Variants in SOX5 observed in about 807,000 individuals in gnomAD.
The protein encoded by SOX5 is transcription factor SOX-5.
A neutral mutation model predicts 92.0 loss-of-function variants in SOX5; 9 were observed. The ratio of observed to expected loss-of-function variants is 0.10; its 90% confidence interval spans 0.06 to 0.17. The LOEUF is 0.17. Ranked by LOEUF, SOX5 falls within the 10% of genes least tolerant of loss-of-function variation. The pLI, the probability that SOX5 is intolerant of heterozygous loss-of-function variation, is 1.00. For missense variants in SOX5, 642 were observed against 944.5 expected (o/e 0.68, Z 4.20); for synonymous variants, 344 against 336.3 (o/e 1.02, Z -0.25).
chr12:24,006,271 AC>A (rs1453080043), intron 4 of SOX5, among the ~76,000 whole-genome samples: 3 of 152,216 alleles, frequency 2.0e-5, no homozygotes, highest in Non-Finnish European at 2.9e-5. Flanking sequence ...CTTTTAATGT[AC>A]TATCTCATTA....
intron 2 of SOX5, among the ~76,000 whole-genome samples, chr12:23,848,230 A>G (rs1012618903): frequency 3.3e-5 from 5 of 152,172 alleles, no homozygotes; most frequent in Non-Finnish European, 7.4e-5. Flanking sequence ...TAATTGCCAT[A>G]ATTGAAAATT....
chr12:24,464,559 T>C (rs1944014216), intron 1 of SOX5, among the ~76,000 whole-genome samples: 1 of 152,192 alleles, frequency 6.6e-6, no homozygotes, highest in Non-Finnish European at 1.5e-5. Context: ...GCCAGGATGT[T>C]CTCAATCTCC....
chr12:23,596,238 T>A (rs1466448539), intron 9 of SOX5, among the ~76,000 whole-genome samples: 1 of 152,226 alleles, frequency 6.6e-6, no homozygotes, highest in Non-Finnish European at 1.5e-5. Context: ...TCGTTCTCTT[T>A]CTGCTCTCCA....
At chr12:24,542,137 C>T (rs1365315028) in intron 1 of SOX5, among the ~76,000 whole-genome samples, 1 of 152,118 alleles carries the variant, frequency 6.6e-6, no homozygotes, top group Non-Finnish European at 1.5e-5. Flanking sequence ...GATATATGAC[C>T]CCTGCCTCCT....
intron 4 of SOX5, among the ~76,000 whole-genome samples, chr12:23,984,171 C>T (rs1227459461): frequency 3.9e-5 from 6 of 152,040 alleles, no homozygotes; most frequent in African/African-American, 1.4e-4. Context: ...TGCTAAGCAT[C>T]AGAGATATTA....
chr12:24,076,977 G>A (rs988201331), intron 4 of SOX5, among the ~76,000 whole-genome samples: 1 of 152,162 alleles, frequency 6.6e-6, no homozygotes, highest in Non-Finnish European at 1.5e-5. Flanking sequence ...CAGTTATATC[G>A]TTTCCTTCAA....
At chr12:24,496,132 G>A (rs1308560360) in intron 1 of SOX5, among the ~76,000 whole-genome samples, 1 of 152,160 alleles carries the variant, frequency 6.6e-6, no homozygotes, top group Non-Finnish European at 1.5e-5. Flanking sequence ...AAAAGTGGGG[G>A]TTGAAGGGGT....
In SOX5 at chr12:24,329,883, T is replaced by C. The variant is rs1408948579; in HGVS notation, c.-174+38680A>G. 2.0e-5 allele frequency among the ~76,000 whole-genome samples: 3 copies of C among 151,544 alleles called. No homozygotes were observed. The East Asian group carries it at 5.8e-4, about 29-fold the overall frequency. On this transcript the variant is annotated intron_variant, in intron 2 of 4. Transcript: ENST00000446891. ...ACTAAAAATACAAAAATTAGCCAGG[T>C]GTGGTAGAACATGCCTGTAATCCCA...
chr12:23,664,541 AT>A (rs1244914939), intron 7 of SOX5, among the ~76,000 whole-genome samples: 1 of 151,994 alleles, frequency 6.6e-6, no homozygotes, highest in African/African-American at 2.4e-5. Context: ...ATGTGTTATT[AT>A]TTTTATCTTA....
chr12:24,422,471 T>C (rs943307083), intron 1 of SOX5, among the ~76,000 whole-genome samples: 4 of 152,094 alleles, frequency 2.6e-5, no homozygotes, highest in African/African-American at 9.7e-5. Context: ...ATCGAAAAAG[T>C]CTAGAAAGCT....
chr12:23,920,969 G>T (rs1323536714), intron 1 of SOX5, among the ~76,000 whole-genome samples: 1 of 152,132 alleles, frequency 6.6e-6, no homozygotes, highest in Non-Finnish European at 1.5e-5. Flanking sequence ...ATGAGACAGA[G>T]ATCATGTATA....
At chr12:24,354,262 A>AAAAC (rs1222905437) in intron 2 of SOX5, among the ~76,000 whole-genome samples, 1 of 152,238 alleles carries the variant, frequency 6.6e-6, no homozygotes, top group Admixed American at 6.5e-5. Flanking sequence ...CTCCTAGCAG[A>AAAAC]AAACAAACAA....
chr12:23,921,193 C>T (rs1345475789), intron 1 of SOX5, among the ~76,000 whole-genome samples: 4 of 152,080 alleles, frequency 2.6e-5, no homozygotes, highest in Non-Finnish European at 5.9e-5. Flanking sequence ...AAATAATCAA[C>T]AGGAGCAGTG....
At chr12:24,499,414 C>A (rs1017722638) in intron 1 of SOX5, among the ~76,000 whole-genome samples, 2 of 152,144 alleles carry the variant, frequency 1.3e-5, no homozygotes, top group Admixed American at 6.5e-5. Flanking sequence ...GGCAATTCAG[C>A]AAAGATGGGT....
At chr12:23,970,648 G>A (rs1445993341) in intron 4 of SOX5, among the ~76,000 whole-genome samples, 1 of 150,102 alleles carries the variant, frequency 6.7e-6, no homozygotes, top group African/African-American at 2.5e-5. Context: ...ATGATATTCT[G>A]TTTTATGAAT....
chr12:23,784,289 T>G (rs1389042365), intron 3 of SOX5, among the ~76,000 whole-genome samples: 1 of 152,036 alleles, frequency 6.6e-6, no homozygotes, highest in Non-Finnish European at 1.5e-5. Flanking sequence ...TCTAGACCTA[T>G]GGATGGTTCT....
At position 23,975,650 on chromosome 12, in the gene SOX5, C is replaced by T. The variant is rs541663375; in HGVS notation, c.-1-79626G>A. Among the ~76,000 whole-genome samples the T allele has an allele frequency of 2.6e-5, 4 of 152,224 alleles. No individual in the cohort carries two copies. In the East Asian group the frequency reaches 7.7e-4, roughly 29 times the overall value. ...ACATCCTGTCTCTGCCACTCATTAG[C>T]CACCTTCTGGGCCTCAGTTTTCCTA... On this transcript the variant is annotated intron_variant, in intron 4 of 4. Transcript: ENST00000446891.
intron 3 of SOX5, among the ~76,000 whole-genome samples, chr12:24,231,409 T>C (rs1963374483): frequency 6.6e-6 from 1 of 152,142 alleles, no homozygotes; most frequent in Admixed American, 6.5e-5. Context: ...CTAAGCTCAA[T>C]CATAAACTCA....
At chr12:24,147,030 T>G (rs1251341636) in intron 4 of SOX5, among the ~76,000 whole-genome samples, 1 of 152,142 alleles carries the variant, frequency 6.6e-6, no homozygotes, top group Admixed American at 6.6e-5. Flanking sequence ...ATTGCTTCAC[T>G]GGGAAATTCT....
Sources: gnomAD v4.1 joint callset for allele counts (sites outside exome capture counted in the v4.1 genomes callset) on GRCh38, gnomAD v4.1.1 for gene constraint, MANE v1.5 for transcripts, NCBI Gene and HGNC (gene_info 2026-07-23, HGNC 2026-07-21) for gene names.